Variants in CHRM3 observed in about 807,000 individuals in gnomAD.
CHRM3 encodes muscarinic acetylcholine receptor M3.
In CHRM3, 11 loss-of-function variants were observed where a neutral mutation model predicts 41.8. That is an observed-to-expected ratio of 0.26 (90% CI 0.17 to 0.44). The LOEUF is 0.44. CHRM3 is among the 20% of genes least tolerant of loss of function. The pLI, the probability that CHRM3 is intolerant of heterozygous loss-of-function variation, is 1.00. For synonymous variants in CHRM3, 297 were observed against 301.4 expected (o/e 0.99, Z 0.15); for missense variants, 571 against 745.4 (o/e 0.77, Z 2.72).
At chr1:239,504,718 A>G (rs1668450840) in intron 2 of CHRM3, among the ~76,000 whole-genome samples, 1 of 152,190 alleles carries the variant, frequency 6.6e-6, no homozygotes, top group Non-Finnish European at 1.5e-5. Context: ...TATATGTTGC[A>G]ATACTACTCA....
In CHRM3 at chr1:239,908,006, C is replaced by A; in HGVS notation, c.555C>A (p.Ala185=). The change falls in exon 7 of 7, where the codon GCC becomes GCA. Residue 185 remains alanine (A), a synonymous_variant. Coordinates refer to ENST00000676153, the MANE Select transcript of CHRM3 (RefSeq NM_001375978.1). This position sits in a 1 kb window ranked among gnomAD's most constrained non-coding sequence, Gnocchi z 7.2. ...TYRAKRTTKR[A]GVMIGLAWVI... is the part of the protein sequence containing the mutation. ...GAGCCAAACGAACAACAAAGAGAGC[C>A]GGTGTGATGATCGGTCTGGCTTGGG... 6.2e-7 allele frequency: 1 copy of A among 1,614,112 alleles called. No individual in the cohort carries two copies. Among genetic ancestry groups the A allele is most frequent in the Non-Finnish European group, 8.5e-7 (1 of 1,180,030 alleles).
At chr1:239,568,754 A>G (rs1024013834) in intron 3 of CHRM3, among the ~76,000 whole-genome samples, 1 of 152,112 alleles carries the variant, frequency 6.6e-6, no homozygotes, top group Non-Finnish European at 1.5e-5. Context: ...GACCCACAAA[A>G]GGGCAGCTTT....
chr1:239,856,763 G>A (rs1675158371), intron 6 of CHRM3, among the ~76,000 whole-genome samples: 2 of 152,068 alleles, frequency 1.3e-5, no homozygotes, highest in South Asian at 4.1e-4. Flanking sequence ...AAACATTTAT[G>A]GCATGAAGGA....
At chr1:239,436,020 T>C (rs1663237992) in intron 1 of CHRM3, among the ~76,000 whole-genome samples, 1 of 152,128 alleles carries the variant, frequency 6.6e-6, no homozygotes, top group African/African-American at 2.4e-5. Context: ...AGGGTATTTT[T>C]TGAAAATAGT....
intron 6 of CHRM3, among the ~76,000 whole-genome samples, chr1:239,895,222 T>C (rs1482970471): frequency 2.0e-5 from 3 of 152,212 alleles, no homozygotes; most frequent in Non-Finnish European, 4.4e-5. Context: ...CTGTACTTCC[T>C]TTCTATGCTG....
chr1:239,522,383 C>G (rs143606681), intron 2 of CHRM3, among the ~76,000 whole-genome samples: 1 of 152,198 alleles, frequency 6.6e-6, no homozygotes, highest in Non-Finnish European at 1.5e-5. Flanking sequence ...GGGCCAGAGT[C>G]CCACCCAATC....
At chr1:239,787,817 A>G (rs1290111586) in intron 5 of CHRM3, among the ~76,000 whole-genome samples, 1 of 152,192 alleles carries the variant, frequency 6.6e-6, no homozygotes, top group Non-Finnish European at 1.5e-5. Context: ...TGTAAAGTTA[A>G]TTTTATTTAT....
chr1:239,624,453 T>G (rs1468272714), intron 3 of CHRM3, among the ~76,000 whole-genome samples: 10 of 88,944 alleles, frequency 1.1e-4, no homozygotes, highest in South Asian at 6.0e-4. Context: ...GTAGGTTGCC[T>G]GTTCACTCTG....
chr1:239,427,802 A>G (rs1662510061), intron 1 of CHRM3, among the ~76,000 whole-genome samples: 1 of 152,096 alleles, frequency 6.6e-6, no homozygotes, highest in South Asian at 2.1e-4. Flanking sequence ...CAAAAGGATT[A>G]GATGAGGGAG....
Position 239,913,844 on chromosome 1 carries a change from A to G in CHRM3, c.*4620A>G, listed in dbSNP as rs938952949. On this transcript the variant is annotated 3_prime_UTR_variant, in exon 7 of 7. Transcript: ENST00000676153. Reference sequence around the variant, plus strand: ...CGTTCACAGCTTCGCGCAGAGACGGATAGTGTATTTGGATATATGGAAGTC... The same window carrying G: ...CGTTCACAGCTTCGCGCAGAGACGGGTAGTGTATTTGGATATATGGAAGTC... 1.8e-5 allele frequency: 3 copies of G among 167,198 alleles called. No individual in the cohort carries two copies. Among genetic ancestry groups the G allele is most frequent in the African/African-American group, 7.2e-5 (3 of 41,572 alleles). The allele number at this position is 167,198 out of a possible 1,614,324, so 10.4% of individuals were successfully genotyped here.
chr1:239,783,211 T>C (rs943078133), intron 5 of CHRM3, among the ~76,000 whole-genome samples: 1 of 151,996 alleles, frequency 6.6e-6, no homozygotes, highest in Non-Finnish European at 1.5e-5. Context: ...AGCTATAATA[T>C]TGGATTCACC....
chr1:239,408,189 A>T (rs1467972600), intron 1 of CHRM3: 1 of 152,146 alleles, frequency 6.6e-6, no homozygotes, highest in South Asian at 2.1e-4. Context: ...TTCATTCTGC[A>T]CGTCTCCTTG....
intron 4 of CHRM3, among the ~76,000 whole-genome samples, chr1:239,639,079 T>C (rs529497089): frequency 3.2e-4 from 49 of 152,052 alleles, no homozygotes; most frequent in African/African-American, 1.2e-3. Flanking sequence ...GTTGTAGATA[T>C]GCGGCATTAT....
In CHRM3 at chr1:239,908,399, A is replaced by C. The variant is rs549040336; in HGVS notation, c.948A>C (p.Thr316=). The change falls in exon 7 of 7, where the codon ACA becomes ACC. Residue 316 remains threonine (T), a synonymous_variant. Transcript: ENST00000676153. This position sits in a 1 kb window ranked among gnomAD's most constrained non-coding sequence, Gnocchi z 7.2. ...RKYGRCHFWF[T]TKSWKPSSEQ... ...ATGGCCGCTGCCACTTCTGGTTCACAACCAAGAGCTGGAAACCCAGCTCCG... is the reference window on the plus strand; with the variant it reads ...ATGGCCGCTGCCACTTCTGGTTCACCACCAAGAGCTGGAAACCCAGCTCCG... The C allele has an allele frequency of 6.2e-7, 1 of 1,614,034 alleles. No individual in the cohort carries two copies. The highest frequency in any genetic ancestry group is 2.2e-5 in the East Asian group (1 of 44,838).
At chr1:239,623,027 C>G (rs1313129375) in intron 3 of CHRM3, among the ~76,000 whole-genome samples, 2 of 151,876 alleles carry the variant, frequency 1.3e-5, no homozygotes, top group East Asian at 3.9e-4. Flanking sequence ...AGTCAGCACC[C>G]ATCAACATTG....
intron 5 of CHRM3, among the ~76,000 whole-genome samples, chr1:239,811,290 A>G (rs959911306): frequency 5.3e-5 from 8 of 152,208 alleles, no homozygotes; most frequent in African/African-American, 1.9e-4. Context: ...GGCGCCAGAA[A>G]GCGTGCTGAC....
intron 1 of CHRM3, among the ~76,000 whole-genome samples, chr1:239,444,077 C>T (rs1044437832): frequency 6.6e-6 from 1 of 152,142 alleles, no homozygotes; most frequent in South Asian, 2.1e-4. Flanking sequence ...CCAGGCTCAG[C>T]ATGTTGTGTG....
intron 5 of CHRM3, among the ~76,000 whole-genome samples, chr1:239,742,805 A>C (rs1206090267): frequency 6.6e-6 from 1 of 152,256 alleles, no homozygotes; most frequent in Non-Finnish European, 1.5e-5. Context: ...GCCTGGTGTC[A>C]TTTAAAAATC....
intron 1 of CHRM3, among the ~76,000 whole-genome samples, chr1:239,450,307 G>A (rs1008058681): frequency 6.6e-6 from 1 of 152,078 alleles, no homozygotes; most frequent in South Asian, 2.1e-4. Context: ...AATATCATTA[G>A]CATTTTGCCA....
Sources: allele counts gnomAD v4.1 joint callset (sites outside exome capture counted in the v4.1 genomes callset), GRCh38; gene constraint gnomAD v4.1.1; non-coding constraint Gnocchi (gnomAD v3.1); transcripts MANE v1.5; gene names NCBI Gene and HGNC (gene_info 2026-07-23, HGNC 2026-07-21).